The following FAM169A variants were observed in gnomAD, a reference collection of about 807,000 sequenced individuals.
The protein encoded by FAM169A is family with sequence similarity 169 member A.
FAM169A carries 24 observed loss-of-function variants against 75.7 expected under a neutral mutation model. The observed-to-expected ratio is 0.32, with a 90% confidence interval of 0.23 to 0.45. The LOEUF (loss-of-function observed/expected upper bound fraction) is 0.45. Among genes scored for constraint, FAM169A ranks in the 20% least tolerant of loss-of-function variants. The pLI, the probability that FAM169A is intolerant of heterozygous loss-of-function variation, is 1.00. For synonymous variants in FAM169A, 271 were observed against 271.0 expected (o/e 1.00, Z 0.00); for missense variants, 673 against 784.0 (o/e 0.86, Z 1.69).
chr5:74,795,140 C>T (rs545848754), intron 11 of FAM169A, among the ~76,000 whole-genome samples: 2 of 151,988 alleles, frequency 1.3e-5, no homozygotes, highest in South Asian at 2.1e-4. Flanking sequence ...AACCTGTAAT[C>T]CCAGCTACTT....
chr5:74,842,591 G>A (rs1748941082), intron 1 of FAM169A, among the ~76,000 whole-genome samples: 1 of 139,210 alleles, frequency 7.2e-6, no homozygotes, highest in Non-Finnish European at 1.5e-5. Context: ...AAGTGCATTG[G>A]TGCAATCATT....
intron 3 of FAM169A, among the ~76,000 whole-genome samples, chr5:74,839,793 G>C (rs572327848): frequency 6.6e-6 from 1 of 152,062 alleles, no homozygotes; most frequent in Admixed American, 6.5e-5. Context: ...CAAAGTGCTA[G>C]GATTACAGGC....
chr5:74,784,845 G>A (rs1472736430), intron 11 of FAM169A, among the ~76,000 whole-genome samples: 1 of 149,674 alleles, frequency 6.7e-6, no homozygotes, highest in Non-Finnish European at 1.5e-5. Context: ...CGTGAACCCG[G>A]GAGGCGGAGT....
intron 5 of FAM169A, among the ~76,000 whole-genome samples, chr5:74,815,297 C>A (rs1223055398): frequency 6.6e-6 from 1 of 151,740 alleles, no homozygotes; most frequent in Non-Finnish European, 1.5e-5. Context: ...TCAAGCAATT[C>A]TCCTGCCTCA....
chr5:74,818,507 A>G (rs1293639722), intron 5 of FAM169A, among the ~76,000 whole-genome samples: 1 of 152,142 alleles, frequency 6.6e-6, no homozygotes, highest in African/African-American at 2.4e-5. Context: ...AAAAAAGTTA[A>G]GTCTATGGTC....
intron 10 of FAM169A, chr5:74,799,120 G>A: frequency 1.0e-6 from 1 of 995,734 alleles, no homozygotes; most frequent in African/African-American, 1.6e-5. Flanking sequence ...GCGCCAGTGT[G>A]TGAAAGCTCA....
intron 6 of FAM169A, among the ~76,000 whole-genome samples, chr5:74,806,185 A>T (rs566507120): frequency 6.6e-6 from 1 of 152,266 alleles, no homozygotes; most frequent in African/African-American, 2.4e-5. Context: ...GAGAAGAAAA[A>T]TACCAAAAAA....
chr5:74,797,962 A>C (rs1355824451), intron 10 of FAM169A, among the ~76,000 whole-genome samples: 1 of 152,246 alleles, frequency 6.6e-6, no homozygotes, highest in Non-Finnish European at 1.5e-5. Context: ...TCTTACAAAA[A>C]AATTTTATTC....
intron 1 of FAM169A, among the ~76,000 whole-genome samples, chr5:74,859,261 A>G (rs1474930952): frequency 6.6e-6 from 1 of 151,046 alleles, no homozygotes; most frequent in East Asian, 1.9e-4. Context: ...ATTAATACAC[A>G]AACTAACAAA....
At chr5:74,782,584 TAAAAC>T (rs1245024218) in intron 12 of FAM169A, among the ~76,000 whole-genome samples, 5 of 152,218 alleles carry the variant, frequency 3.3e-5, no homozygotes, top group South Asian at 4.1e-4. Context: ...TCTGCCTAAT[TAAAAC>T]AAATATAAAT....
At chr5:74,796,709 C>CT (rs749033904) in intron 10 of FAM169A, among the ~76,000 whole-genome samples, 75 of 142,432 alleles carry the variant, frequency 5.3e-4, no homozygotes, top group East Asian at 1.6e-3. Context: ...CAGCCTGAAT[C>CT]TTTTTTTTTT....
At chr5:74,858,840 C>T (rs1267739245) in intron 1 of FAM169A, among the ~76,000 whole-genome samples, 2 of 152,120 alleles carry the variant, frequency 1.3e-5, no homozygotes, top group African/African-American at 4.8e-5. Context: ...AATGCCATAT[C>T]TAAAATTAGA....
chr5:74,834,952 G>A (rs1748493030), intron 4 of FAM169A, among the ~76,000 whole-genome samples: 1 of 146,524 alleles, frequency 6.8e-6, no homozygotes, highest in Admixed American at 6.9e-5. Context: ...CCTAATCACA[G>A]CCCTCACTAT....
rs1745275363 is a variant in FAM169A at position 74,779,077 on chromosome 5, ATC to A, written c.*2381_*2382del. 6.6e-6 allele frequency: 1 copy of A among 152,134 alleles called. No homozygotes were observed. Among genetic ancestry groups the A allele is most frequent in the African/African-American group, 2.4e-5 (1 of 41,454 alleles). 9.4% of individuals were successfully genotyped at this position (152,134 alleles called of 1,614,324 possible). A position where few individuals can be genotyped will look rare whatever the true frequency, so the allele number is the denominator to read the frequency against. ...AAAATAACAATTTCTGTCAGAGAGAATCTGTAACAGAAGTGTTCTTGTGTGCT... is the reference window on the plus strand; with the variant it reads ...AAAATAACAATTTCTGTCAGAGAGAATGTAACAGAAGTGTTCTTGTGTGCT... On this transcript the variant is annotated 3_prime_UTR_variant, in exon 13 of 13. Transcript: ENST00000687041.
At chr5:74,799,649 TG>T in intron 10 of FAM169A, 1 of 1,361,578 alleles carries the variant, frequency 7.3e-7, no homozygotes, top group Non-Finnish European at 1.0e-6. Context: ...GGGAGCCACC[TG>T]GCCTGGGCCA....
At chr5:74,835,989 G>A (rs188529295) in intron 4 of FAM169A, among the ~76,000 whole-genome samples, 1 of 152,266 alleles carries the variant, frequency 6.6e-6, no homozygotes, top group East Asian at 1.9e-4. Context: ...ATAAATGAAG[G>A]AAAAGGCTAA....
intron 10 of FAM169A, chr5:74,800,133 G>A: frequency 1.2e-5 from 6 of 507,664 alleles, no homozygotes; most frequent in Non-Finnish European, 2.2e-5. Context: ...CTGCAGCTGT[G>A]CCGTGGCACG....
In FAM169A at chr5:74,832,841, T is replaced by C. The variant is rs1748384747; in HGVS notation, c.490+1585A>G. ...CTAGTATAAGCCCACTTAACTCCAT[T>C]GTTATCTGGTACAACGGGGAAAGAA... On this transcript the variant is annotated intron_variant, in intron 5 of 12. Transcript: ENST00000687041. Among the ~76,000 whole-genome samples the C allele has an allele frequency of 3.9e-5, 6 of 151,996 alleles. No individual in the cohort carries two copies. The South Asian group carries it at 1.2e-3, about 32-fold the overall frequency.
upstream of FAM169A, chr5:74,866,760 A>C (rs1437374227): frequency 9.1e-6 from 9 of 985,396 alleles, no homozygotes; most frequent in South Asian, 4.7e-5. Flanking sequence ...CCTTCGCAGG[A>C]TTCTGTTCGC....
Sources: allele counts gnomAD v4.1 joint callset (sites outside exome capture counted in the v4.1 genomes callset), GRCh38; gene constraint gnomAD v4.1.1; transcripts MANE v1.5; gene names NCBI Gene and HGNC (gene_info 2026-07-23, HGNC 2026-07-21).